Variants in WIPF1 observed in about 807,000 individuals in gnomAD.
WIPF1 encodes WAS/WASL-interacting protein family member 1.
Under a neutral mutation model 35.4 loss-of-function variants are expected in WIPF1, and 13 were observed. That is an observed-to-expected ratio of 0.37 (90% CI 0.24 to 0.58). The LOEUF is 0.58. WIPF1 is among the 20% of genes least tolerant of loss of function. The pLI, the probability that WIPF1 is intolerant of heterozygous loss-of-function variation, is 0.74. For missense variants in WIPF1, 591 were observed against 667.0 expected, an observed-to-expected ratio of 0.89 and a Z score of 1.25; for synonymous variants, 267 against 266.3, an observed-to-expected ratio of 1.00 and a Z score of -0.02.
intron 1 of WIPF1, among the ~76,000 whole-genome samples, chr2:174,591,273 AG>A (rs1285721982): frequency 6.6e-6 from 1 of 152,240 alleles, no homozygotes; most frequent in Non-Finnish European, 1.5e-5. Context: ...TGATCTACCC[AG>A]GCTGTGGTAT....
At chr2:174,589,620 T>C (rs980629993) in intron 1 of WIPF1, among the ~76,000 whole-genome samples, 8 of 139,048 alleles carry the variant, frequency 5.8e-5, no homozygotes, top group Admixed American at 4.4e-4. Context: ...CAAGGGTTCA[T>C]GAACTTGTAT....
intron 1 of WIPF1, among the ~76,000 whole-genome samples, chr2:174,644,523 A>G (rs1367219): frequency 0.73 from 109,977 of 150,798 alleles, 40,553 homozygotes; most frequent in East Asian, 0.97. Context: ...CCCACTGGCT[A>G]TGACATAACC....
chr2:174,593,846 A>G (rs553700940), intron 1 of WIPF1, among the ~76,000 whole-genome samples: 2 of 152,298 alleles, frequency 1.3e-5, no homozygotes, highest in South Asian at 4.1e-4. Flanking sequence ...GTTCGTTTCT[A>G]TTATTGCTAC....
chr2:174,569,159 A>G (rs1238639753), intron 5 of WIPF1, among the ~76,000 whole-genome samples: 1 of 152,198 alleles, frequency 6.6e-6, no homozygotes, highest in Non-Finnish European at 1.5e-5. Flanking sequence ...GGTGCTATAA[A>G]TAAATATCTT....
intron 1 of WIPF1, among the ~76,000 whole-genome samples, chr2:174,619,133 G>T (rs1264070675): frequency 6.6e-6 from 1 of 151,816 alleles, no homozygotes; most frequent in African/African-American, 2.4e-5. Context: ...CTTTTTTTTA[G>T]ATACGGGGTC....
At chr2:174,603,251 T>A (rs1371712378) in intron 1 of WIPF1, among the ~76,000 whole-genome samples, 1 of 152,220 alleles carries the variant, frequency 6.6e-6, no homozygotes, top group Non-Finnish European at 1.5e-5. Flanking sequence ...ATGGCCTTTT[T>A]CTAGACCTTT....
At chr2:174,568,903 A>C (rs1188135632) in intron 5 of WIPF1, 1 of 152,240 alleles carries the variant, frequency 6.6e-6, no homozygotes, top group African/African-American at 2.4e-5. Context: ...TGGTATAACC[A>C]TAAGTTTTTA....
At position 174,590,212 on chromosome 2, in the gene WIPF1, C is replaced by G. The variant is rs1280764549; in HGVS notation, c.-38-4601G>C. On this transcript the variant is annotated intron_variant, in intron 1 of 7. Transcript: ENST00000679041. This position sits in a 1 kb window ranked among gnomAD's most constrained non-coding sequence, Gnocchi z 4.6. ...TCTGAATCCTTGCTCTGCCACCTGG[C>G]AGATTCAGATGGGAATTTGTTTTTC... Among the ~76,000 whole-genome samples the G allele has an allele frequency of 1.3e-5, 2 of 152,214 alleles. No homozygotes were observed. Among genetic ancestry groups the G allele is most frequent in the African/African-American group, 4.8e-5 (2 of 41,452 alleles).
chr2:174,658,506 G>A, intron 1 of WIPF1, among the ~76,000 whole-genome samples: 1 of 152,122 alleles, frequency 6.6e-6, no homozygotes, highest in East Asian at 1.9e-4. Flanking sequence ...TGAGCCTTAG[G>A]GAGAAGGGAA....
chr2:174,586,338 C>T (rs1314553910), intron 1 of WIPF1, among the ~76,000 whole-genome samples: 3 of 152,092 alleles, frequency 2.0e-5, no homozygotes, highest in African/African-American at 4.8e-5. Flanking sequence ...GGCTGTTTAC[C>T]AGAAATGCAT....
At chr2:174,672,439 A>T (rs1574872041) in intron 1 of WIPF1, among the ~76,000 whole-genome samples, 1 of 152,268 alleles carries the variant, frequency 6.6e-6, no homozygotes, top group East Asian at 1.9e-4. Flanking sequence ...CTTCTTTAGC[A>T]AGTATACAAT....
intron 1 of WIPF1, chr2:174,673,545 T>G (rs1269579774): frequency 6.6e-6 from 1 of 152,276 alleles, no homozygotes; most frequent in Non-Finnish European, 1.5e-5. Context: ...CAGTCTTGCT[T>G]GGGAACTTCT....
chr2:174,618,487 G>C (rs752254350), intron 1 of WIPF1, among the ~76,000 whole-genome samples: 12 of 152,142 alleles, frequency 7.9e-5, no homozygotes, highest in Admixed American at 7.9e-4. Context: ...TGGCTTTTCA[G>C]GTACCTGAAC....
intron 1 of WIPF1, among the ~76,000 whole-genome samples, chr2:174,593,783 C>T (rs1685707731): frequency 6.6e-6 from 1 of 152,184 alleles, no homozygotes. Flanking sequence ...CCATCCCTTC[C>T]CCCCAGCATG....
intron 1 of WIPF1, among the ~76,000 whole-genome samples, chr2:174,595,290 C>CAAAAAAAAAAAAAAAAAAA (rs377491345): frequency 2.2e-5 from 1 of 45,286 alleles, no homozygotes; most frequent in African/African-American, 8.1e-5. Flanking sequence ...AACCCTGTCT[C>CAAAAAAAAAAAAAAAAAAA]AAAAAAAAAA....
rs763478780 is a variant in WIPF1, at chr2:174,590,076, T to G, written c.-38-4465A>C. On this transcript the variant is annotated intron_variant, in intron 1 of 7. Coordinates refer to ENST00000679041, the MANE Select transcript of WIPF1 (RefSeq NM_001375834.1). This position sits in a 1 kb window ranked among gnomAD's most constrained non-coding sequence, Gnocchi z 4.6. The stretch of plus-strand genomic sequence containing the variant: ...TCTCTAAAAATAAAATAAAATAAAA[T>G]AAAAACAAATTAAAATTAAATTTTT... Among the ~76,000 whole-genome samples, 1 of 152,052 alleles carries G rather than the reference T, an allele frequency of 6.6e-6. No homozygotes were observed. Among genetic ancestry groups the G allele is most frequent in the Non-Finnish European group, 1.5e-5 (1 of 68,010 alleles).
chr2:174,626,327 A>G (rs754857926), intron 1 of WIPF1, among the ~76,000 whole-genome samples: 3 of 152,178 alleles, frequency 2.0e-5, no homozygotes, highest in Non-Finnish European at 4.4e-5. Flanking sequence ...CAGTGAACAC[A>G]TCACTATGCA....
intron 1 of WIPF1, among the ~76,000 whole-genome samples, chr2:174,634,199 T>A (rs1331748435): frequency 6.6e-6 from 1 of 152,198 alleles, no homozygotes; most frequent in Non-Finnish European, 1.5e-5. Context: ...ACATTTACAT[T>A]AACAGGTAAA....
At chr2:174,617,563 T>C (rs998804360) in intron 1 of WIPF1, among the ~76,000 whole-genome samples, 6 of 152,198 alleles carry the variant, frequency 3.9e-5, no homozygotes, top group Admixed American at 6.5e-5. Context: ...GGTCTTCAAG[T>C]AGCAATGGAT....
Sources: allele counts gnomAD v4.1 joint callset (sites outside exome capture counted in the v4.1 genomes callset), GRCh38; gene constraint gnomAD v4.1.1; non-coding constraint Gnocchi (gnomAD v3.1); transcripts MANE v1.5; gene names NCBI Gene and HGNC (gene_info 2026-07-23, HGNC 2026-07-21).